The following CSMD3 variants were observed in gnomAD, a reference collection of about 807,000 sequenced individuals.
CSMD3 encodes the protein CUB and sushi domain-containing protein 3.
A neutral mutation model predicts 435.2 loss-of-function variants in CSMD3; 177 were observed. The observed-to-expected ratio is 0.41, with a 90% CI of 0.36 to 0.46. CSMD3 has a LOEUF of 0.46. Among genes scored for constraint, CSMD3 ranks in the 20% least tolerant of loss-of-function variants. CSMD3 has a pLI of 0.34. For missense variants in CSMD3, 4,265 were observed against 4,504.6 expected (o/e 0.95, Z 1.52); for synonymous variants, 1,656 against 1,520.5 (o/e 1.09, Z -2.07).
chr8:112,666,152 C>A, intron 17 of CSMD3, 125 bp downstream of exon 17: 1 of 784,484 alleles, frequency 1.3e-6, no homozygotes, highest in Non-Finnish European at 2.2e-6. Flanking sequence ...CAGATGGAAG[C>A]ATTCAAAGCA....
chr8:112,558,505 G>C (rs566174310), intron 24 of CSMD3, among the ~76,000 whole-genome samples: 95 of 151,778 alleles, frequency 6.3e-4, no homozygotes, highest in Non-Finnish European at 1.1e-3. Context: ...GTTTTTACGG[G>C]TTCTTTGGGT....
chr8:112,788,397 T>C (rs1401716954), intron 13 of CSMD3, among the ~76,000 whole-genome samples: 2 of 152,008 alleles, frequency 1.3e-5, no homozygotes, highest in African/African-American at 2.4e-5. Context: ...TTCTCTCAGC[T>C]CCAATGGAAC....
At chr8:113,199,279 G>T (rs1403636381) in intron 3 of CSMD3, among the ~76,000 whole-genome samples, 2 of 151,414 alleles carry the variant, frequency 1.3e-5, no homozygotes, top group Non-Finnish European at 3.0e-5. Flanking sequence ...ACAAGCCTGT[G>T]TAAAATTTAG....
intron 1 of CSMD3, among the ~76,000 whole-genome samples, chr8:113,329,946 G>A (rs768431373): frequency 6.6e-6 from 1 of 151,998 alleles, no homozygotes; most frequent in Non-Finnish European, 1.5e-5. Flanking sequence ...ATTAAAATGA[G>A]TCCTTTGGGC....
chr8:112,233,042 C>T (rs1419650385), intron 68 of CSMD3, among the ~76,000 whole-genome samples: 2 of 152,198 alleles, frequency 1.3e-5, no homozygotes, highest in Admixed American at 6.5e-5. Flanking sequence ...ATGCTAAATA[C>T]TACATGCACC....
At chr8:112,321,644 T>C (rs952522297) in intron 45 of CSMD3, among the ~76,000 whole-genome samples, 1 of 152,150 alleles carries the variant, frequency 6.6e-6, no homozygotes, top group Admixed American at 6.6e-5. Context: ...TTTCAAAATG[T>C]AGATCTACAG....
chr8:113,386,858 C>T (rs1284107393), intron 1 of CSMD3, among the ~76,000 whole-genome samples: 1 of 151,804 alleles, frequency 6.6e-6, no homozygotes, highest in Non-Finnish European at 1.5e-5. Flanking sequence ...CTCAAGCACA[C>T]TAAATCAGAA....
intron 6 of CSMD3, among the ~76,000 whole-genome samples, chr8:112,990,030 C>T (rs1251142777): frequency 6.6e-6 from 1 of 151,958 alleles, no homozygotes; most frequent in African/African-American, 2.4e-5. Flanking sequence ...TTGCCTCCTG[C>T]CATGTAAGAT....
At chr8:112,654,938 C>T (rs2075219680) in intron 18 of CSMD3, among the ~76,000 whole-genome samples, 3 of 152,282 alleles carry the variant, frequency 2.0e-5, no homozygotes, top group Middle Eastern at 3.4e-3. Flanking sequence ...TTAGTAAATA[C>T]ATGTTAGACT....
At chr8:112,650,856 C>A (rs1409441298) in intron 18 of CSMD3, among the ~76,000 whole-genome samples, 1 of 152,218 alleles carries the variant, frequency 6.6e-6, no homozygotes, top group Non-Finnish European at 1.5e-5. Context: ...CTCTAGTACA[C>A]TTCAGTGTCT....
chr8:113,019,008 T>A, intron 6 of CSMD3, 59 bp downstream of exon 6: 2 of 1,093,002 alleles, frequency 1.8e-6, no homozygotes, highest in Non-Finnish European at 2.8e-6. Context: ...CAAAACATAG[T>A]TGTGTACACC....
chr8:112,709,099 T>A (rs2076557702), intron 13 of CSMD3, among the ~76,000 whole-genome samples: 1 of 152,112 alleles, frequency 6.6e-6, no homozygotes, highest in Non-Finnish European at 1.5e-5. Context: ...TGGTCTTCAT[T>A]TATTTCCAAC....
intron 30 of CSMD3, among the ~76,000 whole-genome samples, chr8:112,503,235 C>A (rs1175159159): frequency 1.3e-5 from 2 of 152,006 alleles, no homozygotes; most frequent in South Asian, 4.2e-4. Flanking sequence ...ACGTATGACA[C>A]CCCTCTTGAC....
chr8:113,287,324 A>G (rs2093654333), intron 2 of CSMD3, among the ~76,000 whole-genome samples: 1 of 152,042 alleles, frequency 6.6e-6, no homozygotes. Flanking sequence ...ACAAACTATT[A>G]GCCTATTTAA....
chr8:112,307,561 G>A (rs1310532125), intron 50 of CSMD3, among the ~76,000 whole-genome samples: 1 of 152,108 alleles, frequency 6.6e-6, no homozygotes. Flanking sequence ...GGGATTACAG[G>A]CGTGAACCAC....
At chr8:113,352,368 C>T (rs888281455) in intron 1 of CSMD3, among the ~76,000 whole-genome samples, 1 of 152,022 alleles carries the variant, frequency 6.6e-6, no homozygotes, top group African/African-American at 2.4e-5. Flanking sequence ...ACTTCTGACA[C>T]CATCAGAAGC....
At chr8:112,241,652 T>C in intron 66 of CSMD3, 68 bp downstream of exon 66, 1 of 1,029,686 alleles carries the variant, frequency 9.7e-7, no homozygotes, top group Non-Finnish European at 1.5e-6. Context: ...ACACAGTTAC[T>C]ATGCCAAGAA....
intron 6 of CSMD3, among the ~76,000 whole-genome samples, chr8:113,001,989 A>C (rs1239844191): frequency 6.6e-6 from 1 of 152,072 alleles, no homozygotes; most frequent in East Asian, 1.9e-4. Context: ...AGAGAACTTC[A>C]TTAAGAGTGG....
chr8:112,921,029 A>G (rs1170733601), intron 10 of CSMD3, among the ~76,000 whole-genome samples: 3 of 141,088 alleles, frequency 2.1e-5, no homozygotes, highest in African/African-American at 2.5e-5. Context: ...ACACACACAC[A>G]CACACATATA....
Sources: gnomAD v4.1 joint callset for allele counts (sites outside exome capture counted in the v4.1 genomes callset) on GRCh38, gnomAD v4.1.1 for gene constraint, MANE v1.5 for transcripts, NCBI Gene and HGNC (gene_info 2026-07-23, HGNC 2026-07-21) for gene names.